LYPD6: variants seen among roughly 807,000 people sequenced by gnomAD.
LYPD6 encodes LY6/PLAUR domain containing 6, also known as ly6/PLAUR domain-containing protein 6.
In LYPD6, 15 loss-of-function variants were observed where a neutral mutation model predicts 22.7. The ratio of observed to expected loss-of-function variants is 0.66; its 90% confidence interval spans 0.44 to 1.02. The LOEUF (loss-of-function observed/expected upper bound fraction) is 1.02, where lower values mean the gene tolerates loss of function less well. Among genes scored for constraint, LYPD6 ranks in the 50% least tolerant of loss-of-function variants. The pLI, the probability that LYPD6 is intolerant of heterozygous loss-of-function variation, is 0.00. For synonymous variants in LYPD6, 72 were observed against 77.5 expected (o/e 0.93, Z 0.37); for missense variants, 189 against 208.4 (o/e 0.91, Z 0.57).
rs569681380 is a variant in LYPD6 at position 149,424,624 on chromosome 2, G to A, written c.-71-13014G>A. ...CTAATTGATCTGGTGTGAGGAGAGGGGATGGGAGGCTTTCTAAAGGAAGTG... is the reference window on the plus strand; with the variant it reads ...CTAATTGATCTGGTGTGAGGAGAGGAGATGGGAGGCTTTCTAAAGGAAGTG... On this transcript the variant is annotated intron_variant, in intron 1 of 4. Transcript: ENST00000334166. Among the ~76,000 whole-genome samples, 9 of 152,234 alleles carry A rather than the reference G, an allele frequency of 5.9e-5. No individual in the cohort carries two copies. The East Asian group carries it at 1.7e-3, about 29-fold the overall frequency.
intron 1 of LYPD6, among the ~76,000 whole-genome samples, chr2:149,344,840 G>A (rs1373814654): frequency 6.6e-6 from 1 of 152,134 alleles, no homozygotes; most frequent in Non-Finnish European, 1.5e-5. Context: ...TCTTCCAGAT[G>A]TTTTTTAAAG....
chr2:149,361,978 G>A (rs555914416), intron 1 of LYPD6, among the ~76,000 whole-genome samples: 81 of 152,260 alleles, frequency 5.3e-4, no homozygotes, highest in South Asian at 1.4e-3. Flanking sequence ...GTGCTTTGAA[G>A]GTAAAGGAAG....
chr2:149,344,023 C>A (rs1021444060), intron 1 of LYPD6, among the ~76,000 whole-genome samples: 1 of 152,122 alleles, frequency 6.6e-6, no homozygotes, highest in Non-Finnish European at 1.5e-5. Flanking sequence ...GATTCCCAGA[C>A]CTATTTGACA....
chr2:149,362,379 A>G (rs1387108732), intron 1 of LYPD6, among the ~76,000 whole-genome samples: 1 of 152,142 alleles, frequency 6.6e-6, no homozygotes, highest in Non-Finnish European at 1.5e-5. Context: ...AAATGGGTAA[A>G]CCTGAGTATT....
chr2:149,463,325 A>G (rs1169884581), intron 3 of LYPD6, among the ~76,000 whole-genome samples: 2 of 152,184 alleles, frequency 1.3e-5, no homozygotes, highest in Non-Finnish European at 2.9e-5. Flanking sequence ...AATTTCAAAC[A>G]TGAGATATTA....
At chr2:149,402,197 T>G (rs1325294166) in intron 1 of LYPD6, among the ~76,000 whole-genome samples, 1 of 151,956 alleles carries the variant, frequency 6.6e-6, no homozygotes, top group Non-Finnish European at 1.5e-5. Flanking sequence ...TTTCATTCCT[T>G]TTTATGGCTG....
At chr2:149,429,284 G>A (rs1349834371) in intron 1 of LYPD6, among the ~76,000 whole-genome samples, 1 of 152,210 alleles carries the variant, frequency 6.6e-6, no homozygotes, top group Non-Finnish European at 1.5e-5. Flanking sequence ...GACTTCTGGA[G>A]AATGCCTTTG....
intron 1 of LYPD6, among the ~76,000 whole-genome samples, chr2:149,408,082 G>A (rs911520237): frequency 6.6e-6 from 1 of 152,088 alleles, no homozygotes. Flanking sequence ...CTGTCTGATC[G>A]TTCCTCTAGA....
chr2:149,380,750 A>T (rs1682041566), intron 1 of LYPD6, among the ~76,000 whole-genome samples: 1 of 152,186 alleles, frequency 6.6e-6, no homozygotes, highest in East Asian at 1.9e-4. Flanking sequence ...GAGCATACGG[A>T]TGGTATTTAA....
chr2:149,422,275 C>T (rs1683097297), intron 1 of LYPD6, among the ~76,000 whole-genome samples: 1 of 152,184 alleles, frequency 6.6e-6, no homozygotes, highest in Admixed American at 6.5e-5. Context: ...AACTAAGGCA[C>T]AGAGAGGTTA....
chr2:149,358,098 A>G (rs182281448), intron 1 of LYPD6, among the ~76,000 whole-genome samples: 1 of 152,228 alleles, frequency 6.6e-6, no homozygotes, highest in Non-Finnish European at 1.5e-5. Flanking sequence ...AATACATTAT[A>G]TTTCAAAAAT....
intron 2 of LYPD6, among the ~76,000 whole-genome samples, chr2:149,446,355 G>C (rs1405440062): frequency 6.6e-6 from 1 of 152,202 alleles, no homozygotes; most frequent in Non-Finnish European, 1.5e-5. Context: ...CTTGCTCAAT[G>C]CAGGGTTGCC....
chr2:149,366,170 A>C (rs1019917255), intron 1 of LYPD6, among the ~76,000 whole-genome samples: 1 of 152,032 alleles, frequency 6.6e-6, no homozygotes, highest in African/African-American at 2.4e-5. Flanking sequence ...TCCACCTTTC[A>C]CCCACTGCCT....
intron 2 of LYPD6, among the ~76,000 whole-genome samples, chr2:149,438,527 G>A (rs1332040697): frequency 6.6e-6 from 1 of 152,190 alleles, no homozygotes; most frequent in Admixed American, 6.5e-5. Context: ...CCCCTGTTGA[G>A]GTGAGAGCTG....
At chr2:149,417,529 C>T (rs1221227841) in intron 1 of LYPD6, among the ~76,000 whole-genome samples, 1 of 152,076 alleles carries the variant, frequency 6.6e-6, no homozygotes, top group Non-Finnish European at 1.5e-5. Flanking sequence ...AAAGTAGGAT[C>T]AGTAAAATGG....
intron 1 of LYPD6, among the ~76,000 whole-genome samples, chr2:149,369,584 T>C (rs540303734): frequency 6.6e-6 from 1 of 152,218 alleles, no homozygotes; most frequent in East Asian, 1.9e-4. Flanking sequence ...CTGGCTGTAG[T>C]CAGCCCTTAG....
At chr2:149,376,250 G>C (rs758872456) in intron 1 of LYPD6, among the ~76,000 whole-genome samples, 3 of 152,174 alleles carry the variant, frequency 2.0e-5, no homozygotes, top group African/African-American at 2.4e-5. Context: ...AAACAGCTCT[G>C]TCTAACTTGG....
chr2:149,478,408 G>T (rs1573841181), downstream of LYPD6, among the ~76,000 whole-genome samples: 1 of 147,618 alleles, frequency 6.8e-6, no homozygotes, highest in Non-Finnish European at 1.5e-5. Context: ...GTGCGCGCAC[G>T]CATGTGTGGT....
In LYPD6 at chr2:149,468,358, C is replaced by A. The variant is rs1327737795; in HGVS notation, c.218-287C>A. On this transcript the variant is annotated intron_variant, in intron 3 of 4. Coordinates refer to ENST00000334166, the MANE Select transcript of LYPD6 (RefSeq NM_194317.5). Reference sequence around the variant, plus strand: ...CCACTCATCCCCTAAAAATAAAAATCAGTCCAGTGGCAAAATTTGTTGAAA... The same window carrying A: ...CCACTCATCCCCTAAAAATAAAAATAAGTCCAGTGGCAAAATTTGTTGAAA... 4.6e-5 allele frequency among the ~76,000 whole-genome samples: 7 copies of A among 152,104 alleles called. No individual in the cohort carries two copies. In the South Asian group the frequency reaches 1.4e-3, roughly 31 times the overall value.
Sources: gnomAD v4.1 joint callset for allele counts (sites outside exome capture counted in the v4.1 genomes callset) on GRCh38, gnomAD v4.1.1 for gene constraint, MANE v1.5 for transcripts, NCBI Gene and HGNC (gene_info 2026-07-23, HGNC 2026-07-21) for gene names.